The following CRYBG3 variants were observed in gnomAD, a reference collection of about 807,000 sequenced individuals.
CRYBG3 encodes very large A-kinase anchor protein.
A neutral mutation model predicts 244.2 loss-of-function variants in CRYBG3; 127 were observed. The ratio of observed to expected loss-of-function variants is 0.52; its 90% CI spans 0.45 to 0.60. CRYBG3 has a LOEUF of 0.60. Among genes scored for constraint, CRYBG3 ranks in the 20% least tolerant of loss-of-function variants. The probability of loss-of-function intolerance (pLI) is 0.00; values close to 1 mark genes in which losing one functional copy is unlikely to be tolerated. For synonymous variants in CRYBG3, 1,132 were observed against 1,195.8 expected (o/e 0.95, Z 1.10); for missense variants, 3,325 against 3,442.5 (o/e 0.97, Z 0.85).
chr3:97,830,672 G>A (rs980660395), intron 1 of CRYBG3, among the ~76,000 whole-genome samples: 1 of 152,104 alleles, frequency 6.6e-6, no homozygotes, highest in Non-Finnish European at 1.5e-5. Context: ...ATTCTGGATT[G>A]TTGAGAAATC....
At chr3:97,915,959 A>C (rs1036647781) in intron 17 of CRYBG3, among the ~76,000 whole-genome samples, 1 of 152,208 alleles carries the variant, frequency 6.6e-6, no homozygotes, top group Admixed American at 6.5e-5. Flanking sequence ...GTAAAACTCA[A>C]GAACTAGAAT....
In CRYBG3 at chr3:97,877,287, T is replaced by G. The variant is rs1479054004; in HGVS notation, c.6093T>G (p.Ala2031=). The change falls in exon 4 of 22, where the codon GCT becomes GCG. Residue 2031 remains alanine (A), a synonymous_variant. Transcript: ENST00000389622. The stretch of plus-strand genomic sequence containing the variant: ...CTGTCTTGTTTCATGATACGTCCGC[T>G]GACAGCATGCCTGTTCTGGCATGTG... ...TQSVLFHDTS[A]DSMPVLACER... 6.2e-7 allele frequency: 1 copy of G among 1,614,114 alleles called. No homozygotes were observed.
At chr3:97,890,733 A>G (rs995531839) in intron 10 of CRYBG3, among the ~76,000 whole-genome samples, 31 of 152,156 alleles carry the variant, frequency 2.0e-4, no homozygotes, top group Admixed American at 1.4e-3. Context: ...GTTTTTAAGC[A>G]TGGGGTTTAT....
Position 97,822,287 on chromosome 3 carries a change from CAAGG to C in CRYBG3, c.85_88del (p.Glu29ArgfsTer27), listed in dbSNP as rs1395866763. 1 of 1,530,982 alleles carries C rather than the reference CAAGG, an allele frequency of 6.5e-7. No individual in the cohort carries two copies. The highest frequency in any genetic ancestry group is 2.0e-5 in the Admixed American group (1 of 50,536). The allele number at this position is 1,530,982 out of a possible 1,614,324, so 94.8% of individuals were successfully genotyped here. A position where few individuals can be genotyped will look rare whatever the true frequency, so the allele number is the denominator to read the frequency against. ...TCGCTCCCCGAAGTCCTTCCCGGGA[CAAGG>C]AAGAGGAAGAGGAGGAGAGGCCGGG... On this transcript the variant is annotated frameshift_variant, in exon 1 of 22. Coordinates refer to ENST00000389622, the MANE Select transcript of CRYBG3 (RefSeq NM_153605.4). LOFTEE classifies it high-confidence loss of function.
intron 2 of CRYBG3, among the ~76,000 whole-genome samples, chr3:97,846,298 C>A (rs1162207957): frequency 6.6e-6 from 1 of 152,128 alleles, no homozygotes; most frequent in East Asian, 1.9e-4. Context: ...TCACTGATTT[C>A]TTTTGGCTAA....
At chr3:97,857,225 C>CA (rs1005072606) in intron 2 of CRYBG3, among the ~76,000 whole-genome samples, 1 of 151,712 alleles carries the variant, frequency 6.6e-6, no homozygotes, top group South Asian at 2.1e-4. Context: ...CCATTGTGGT[C>CA]AAAAAAATAC....
At chr3:97,898,862 C>T in intron 12 of CRYBG3, 21 bp from the exon 13 acceptor site, 1 of 1,547,616 alleles carries the variant, frequency 6.5e-7, no homozygotes, top group Non-Finnish European at 8.8e-7. Context: ...TTTTCCTAAA[C>T]TTTCCTCTTT....
rs2039367131 is a variant in CRYBG3, at chr3:97,876,022, G to A, written c.4828G>A (p.Glu1610Lys). 8.1e-7 allele frequency: 1 copy of A among 1,232,066 alleles called. No individual in the cohort carries two copies. The highest frequency in any genetic ancestry group is 1.6e-5 in the African/African-American group (1 of 64,512). 76.3% of individuals were successfully genotyped at this position (1,232,066 alleles called of 1,614,324 possible). A position where few individuals can be genotyped will look rare whatever the true frequency, so the allele number is the denominator to read the frequency against. Residue 1610 changes from glutamate (E) to lysine (K), a missense_variant, in exon 4 of 22, where the codon GAG (glutamate) becomes AAG (lysine). By Grantham distance (56) the Glu-to-Lys change is moderately conservative. Transcript: ENST00000389622. ...TGCCGAGAGCTGTATTGAAAAAACT[G>A]AGGGATCAGCTGTCATTTTAGGAAT... ...MDAESCIEKT[E>K]GSAVILGMEK...
At chr3:97,870,167 G>A (rs2039284673) in intron 3 of CRYBG3, among the ~76,000 whole-genome samples, 1 of 152,072 alleles carries the variant, frequency 6.6e-6, no homozygotes, top group South Asian at 2.1e-4. Flanking sequence ...TAGAGTTGGG[G>A]TGCATATGCA....
chr3:97,843,280 AT>A lies in CRYBG3; in HGVS notation c.216+21del. On this transcript the variant is annotated intron_variant, in intron 2 of 21. Coordinates refer to ENST00000389622, the MANE Select transcript of CRYBG3 (RefSeq NM_153605.4). ...AGTAAAGGTATAGTTTTAAATTAAT[AT>A]TATTTTATATCAAGCAAATATCTTA... The A allele has an allele frequency of 7.2e-6, 8 of 1,111,930 alleles. No homozygotes were observed. Among genetic ancestry groups the A allele is most frequent in the Non-Finnish European group, 1.0e-5 (8 of 788,900 alleles). 68.9% of individuals were successfully genotyped at this position (1,111,930 alleles called of 1,614,324 possible).
intron 12 of CRYBG3, among the ~76,000 whole-genome samples, chr3:97,898,347 C>T (rs901005978): frequency 2.8e-4 from 42 of 151,744 alleles, no homozygotes; most frequent in African/African-American, 9.2e-4. Context: ...TGTCTTTTGC[C>T]GGTTTATCTG....
At chr3:97,861,282 T>C (rs2039144057) in intron 2 of CRYBG3, among the ~76,000 whole-genome samples, 1 of 152,168 alleles carries the variant, frequency 6.6e-6, no homozygotes, top group South Asian at 2.1e-4. Context: ...TCAAATGTTA[T>C]CTTCTATGCA....
At chr3:97,895,737 T>C (rs2039632670) in intron 11 of CRYBG3, among the ~76,000 whole-genome samples, 1 of 152,216 alleles carries the variant, frequency 6.6e-6, no homozygotes, top group Non-Finnish European at 1.5e-5. Flanking sequence ...TTTGTTGCAG[T>C]TCTATAATTA....
chr3:97,933,655 G>T (rs1444632741), intron 17 of CRYBG3, 39 bp from the exon 18 acceptor site: 1 of 1,605,584 alleles, frequency 6.2e-7, no homozygotes, highest in Admixed American at 1.7e-5. Flanking sequence ...ACTGAGATAT[G>T]GCCACTCCTA....
chr3:97,896,592 G>T (rs908359893), intron 12 of CRYBG3, among the ~76,000 whole-genome samples: 7 of 152,194 alleles, frequency 4.6e-5, no homozygotes. Flanking sequence ...AAAAAGGTAG[G>T]TGCCTGTTTA....
chr3:97,851,726 A>G (rs1159222336), intron 2 of CRYBG3, among the ~76,000 whole-genome samples: 3 of 152,202 alleles, frequency 2.0e-5, no homozygotes, highest in Non-Finnish European at 4.4e-5. Context: ...CATGGGGGCT[A>G]TATCCACCAA....
At chr3:97,834,211 C>T (rs1039281023) in intron 1 of CRYBG3, among the ~76,000 whole-genome samples, 6 of 152,042 alleles carry the variant, frequency 3.9e-5, no homozygotes, top group Admixed American at 6.5e-5. Context: ...GCTGATTTCA[C>T]GTAAGCTGTT....
At chr3:97,834,110 T>C (rs968313226) in intron 1 of CRYBG3, among the ~76,000 whole-genome samples, 4 of 152,086 alleles carry the variant, frequency 2.6e-5, no homozygotes, top group African/African-American at 9.7e-5. Context: ...CCTCCAACAC[T>C]GGGGGTTGAA....
chr3:97,860,097 A>G (rs149343564), intron 2 of CRYBG3, among the ~76,000 whole-genome samples: 3 of 152,216 alleles, frequency 2.0e-5, no homozygotes, highest in African/African-American at 7.2e-5. Flanking sequence ...GACTATTCCT[A>G]TTTCCTTGTT....
Sources: gnomAD v4.1 joint callset for allele counts (sites outside exome capture counted in the v4.1 genomes callset) on GRCh38, gnomAD v4.1.1 for gene constraint, MANE v1.5 for transcripts, NCBI Gene and HGNC (gene_info 2026-07-23, HGNC 2026-07-21) for gene names.